Variants in ATP6V0A4 observed in about 807,000 individuals in gnomAD.
ATP6V0A4 encodes ATPase H+ transporting V0 subunit a4.
A neutral mutation model predicts 107.3 loss-of-function variants in ATP6V0A4; 86 were observed. The ratio of observed to expected loss-of-function variants is 0.80; its 90% CI spans 0.67 to 0.96. The LOEUF (loss-of-function observed/expected upper bound fraction) is 0.96. Among genes scored for constraint, ATP6V0A4 ranks in the 40% least tolerant of loss-of-function variants. The pLI is 0.00. For synonymous variants in ATP6V0A4, 353 were observed against 381.4 expected (o/e 0.93, Z 0.87); for missense variants, 908 against 1,045.6 (o/e 0.87, Z 1.81).
intron 15 of ATP6V0A4, among the ~76,000 whole-genome samples, chr7:138,736,103 G>T (rs919517752): frequency 2.8e-4 from 42 of 151,482 alleles, no homozygotes; most frequent in Admixed American, 1.1e-3. Context: ...AATTAGCCCA[G>T]CATGGCATGG....
chr7:138,741,489 C>G (rs554661319), intron 14 of ATP6V0A4, among the ~76,000 whole-genome samples: 1 of 152,176 alleles, frequency 6.6e-6, no homozygotes, highest in Non-Finnish European at 1.5e-5. Flanking sequence ...GCTAAGCCAT[C>G]GTGTCTCCTG....
intron 3 of ATP6V0A4, among the ~76,000 whole-genome samples, chr7:138,770,403 C>T (rs1807322562): frequency 6.6e-6 from 1 of 152,156 alleles, no homozygotes; most frequent in African/African-American, 2.4e-5. Flanking sequence ...GATTGCACAG[C>T]TCCATGTAAC....
chr7:138,791,259 C>T (rs1014679956), intron 1 of ATP6V0A4, among the ~76,000 whole-genome samples: 61 of 151,978 alleles, frequency 4.0e-4, no homozygotes, highest in Non-Finnish European at 6.6e-4. Context: ...CAAGAGATTT[C>T]ATAAAAGACT....
intron 3 of ATP6V0A4, among the ~76,000 whole-genome samples, chr7:138,770,267 G>GGAAGAAA (rs1207823942): frequency 4.8e-5 from 7 of 145,516 alleles, no homozygotes; most frequent in Admixed American, 4.7e-4. Flanking sequence ...GGGGAAGGAA[G>GGAAGAAA]GAAGAAAGGA....
chr7:138,752,577 C>G (rs756118497), intron 11 of ATP6V0A4, 48 bp downstream of exon 11: 160 of 1,607,092 alleles, frequency 1.0e-4, no homozygotes, highest in Non-Finnish European at 1.3e-4. Context: ...GAGAGCCCAG[C>G]AGAGGGGCTG....
At chr7:138,785,727 T>C (rs1416801307) in intron 2 of ATP6V0A4, among the ~76,000 whole-genome samples, 1 of 151,994 alleles carries the variant, frequency 6.6e-6, no homozygotes, top group African/African-American at 2.4e-5. Context: ...ACTTCCTCCA[T>C]TGTATGCACA....
At chr7:138,713,320 T>C (rs1480003261) in intron 20 of ATP6V0A4, among the ~76,000 whole-genome samples, 1 of 150,274 alleles carries the variant, frequency 6.7e-6, no homozygotes, top group East Asian at 2.0e-4. Context: ...TGGGTGTCTG[T>C]GCTGCAGCCA....
At position 138,755,669 on chromosome 7, in the gene ATP6V0A4, C is replaced by A. The variant is rs549939709; in HGVS notation, c.816+20G>T. On this transcript the variant is annotated intron_variant, in intron 10 of 21. Coordinates refer to ENST00000310018, the MANE Select transcript of ATP6V0A4 (RefSeq NM_020632.3). The stretch of plus-strand genomic sequence containing the variant: ...CTCCTGCAGCTGCCATCAGACCATG[C>A]GCCCAAACCCCTCACTCACGGTGAT... 2.0e-5 allele frequency: 32 copies of A among 1,612,880 alleles called. No homozygotes were observed. Among genetic ancestry groups the A allele is most frequent in the Non-Finnish European group, 2.5e-5 (30 of 1,179,942 alleles).
rs1584890479 is a variant in ATP6V0A4, at chr7:138,715,822, G to A, written c.2199C>T (p.Gly733=). The change falls in exon 20 of 22, where the codon GGC becomes GGT. Residue 733 remains glycine (G), a synonymous_variant. Transcript: ENST00000310018. The part of the protein sequence containing the change: ...QAIHTIEYCL[G]CISNTASYLR... ...GGTAGGAGGCTGTGTTTGAAATGCA[G>A]CCCAGGCAGTACTCGATGGTGTGGA... 1.2e-6 allele frequency: 2 copies of A among 1,613,898 alleles called. No homozygotes were observed. Among genetic ancestry groups the A allele is most frequent in the Non-Finnish European group, 1.7e-6 (2 of 1,179,888 alleles).
chr7:138,760,599 T>C (rs562072444), intron 7 of ATP6V0A4, among the ~76,000 whole-genome samples: 60 of 152,276 alleles, frequency 3.9e-4, no homozygotes, highest in African/African-American at 1.4e-3. Context: ...ATCTGTTTTT[T>C]CCATTATCCA....
intron 8 of ATP6V0A4, among the ~76,000 whole-genome samples, chr7:138,757,633 T>C (rs1426680264): frequency 1.3e-5 from 2 of 152,178 alleles, no homozygotes; most frequent in East Asian, 3.8e-4. Context: ...TGAAAGGCCA[T>C]TTGTCGGGAC....
intron 21 of ATP6V0A4, 100 bp from the exon 22 acceptor site, chr7:138,706,817 A>C: frequency 3.2e-6 from 5 of 1,561,990 alleles, no homozygotes; most frequent in Non-Finnish European, 3.5e-6. Flanking sequence ...GCGTTCGTAA[A>C]ATCAAGCACA....
At chr7:138,709,204 G>C (rs1034642044) in intron 21 of ATP6V0A4, among the ~76,000 whole-genome samples, 1 of 106,852 alleles carries the variant, frequency 9.4e-6, no homozygotes, top group Non-Finnish European at 1.8e-5. Flanking sequence ...GTGAGAGCCT[G>C]TCTCAAAAAA....
chr7:138,730,341 AGTGTGTGTGTGTGT>A (rs369725759), intron 17 of ATP6V0A4, among the ~76,000 whole-genome samples: 8 of 140,140 alleles, frequency 5.7e-5, no homozygotes, highest in East Asian at 4.3e-4. Flanking sequence ...CAACGGGATG[AGTGTGTGTGTGTGT>A]GTGTGTGTGT....
At chr7:138,788,302 C>T (rs1808257448) in intron 1 of ATP6V0A4, among the ~76,000 whole-genome samples, 1 of 152,180 alleles carries the variant, frequency 6.6e-6, no homozygotes, top group Non-Finnish European at 1.5e-5. Context: ...GTTGTGCCAA[C>T]AGAAATATTT....
chr7:138,729,830 C>T (rs1362063117), intron 17 of ATP6V0A4, among the ~76,000 whole-genome samples: 1 of 152,214 alleles, frequency 6.6e-6, no homozygotes, highest in Non-Finnish European at 1.5e-5. Flanking sequence ...CCAATTGTAA[C>T]AAGATTCCCC....
intron 2 of ATP6V0A4, among the ~76,000 whole-genome samples, chr7:138,783,318 C>T (rs2130193390): frequency 6.6e-6 from 1 of 152,166 alleles, no homozygotes; most frequent in Admixed American, 6.5e-5. Flanking sequence ...CACCTATAAC[C>T]TCAGCACTAT....
chr7:138,778,775 G>A (rs1025088577), intron 2 of ATP6V0A4, among the ~76,000 whole-genome samples: 1 of 152,014 alleles, frequency 6.6e-6, no homozygotes, highest in African/African-American at 2.4e-5. Context: ...TGGGGAGTCT[G>A]AATTCAGCCC....
intron 12 of ATP6V0A4, among the ~76,000 whole-genome samples, chr7:138,748,842 T>C (rs7800674): frequency 0.071 from 10,832 of 152,236 alleles, 1,187 homozygotes; most frequent in African/African-American, 0.23. Context: ...GATATGGCCC[T>C]CATTGTATTG....
Sources: allele counts gnomAD v4.1 joint callset (sites outside exome capture counted in the v4.1 genomes callset), GRCh38; gene constraint gnomAD v4.1.1; transcripts MANE v1.5; gene names NCBI Gene and HGNC (gene_info 2026-07-23, HGNC 2026-07-21).